CARMIL3: variants seen among roughly 807,000 people sequenced by gnomAD.
CARMIL3 encodes the protein capping protein regulator and myosin 1 linker 3, also known as capping protein, Arp2/3 and myosin-I linker protein 3.
Under a neutral mutation model 180.8 loss-of-function variants are expected in CARMIL3, and 88 were observed. That is an observed-to-expected ratio of 0.49 (90% CI 0.41 to 0.58). The LOEUF is 0.58. Ranked by LOEUF, CARMIL3 falls within the 20% of genes least tolerant of loss-of-function variation. CARMIL3 has a pLI of 0.00. For synonymous variants in CARMIL3, 696 were observed against 714.5 expected, an observed-to-expected ratio of 0.97 and a Z score of 0.41; for missense variants, 1,548 against 1,787.0, an observed-to-expected ratio of 0.87 and a Z score of 2.41.
chr14:24,059,574 C>T lies in CARMIL3; in HGVS notation c.1800-90C>T. 1.3e-6 allele frequency: 2 copies of T among 1,540,420 alleles called. No homozygotes were observed. Among genetic ancestry groups the T allele is most frequent in the Non-Finnish European group, 1.8e-6 (2 of 1,129,290 alleles). On this transcript the variant is annotated intron_variant, in intron 21 of 39. Coordinates refer to ENST00000342740, the MANE Select transcript of CARMIL3 (RefSeq NM_138360.4). This position sits in a 1 kb window ranked among gnomAD's most constrained non-coding sequence, Gnocchi z 6.3. Reference sequence around the variant, plus strand: ...CCCAGCCCCAGAACCATCTCTGAGTCAGCCTTATTGCCCCAAGAGGTTTGT... The same window carrying T: ...CCCAGCCCCAGAACCATCTCTGAGTTAGCCTTATTGCCCCAAGAGGTTTGT...
rs760008607 is a variant in CARMIL3, at chr14:24,056,903, C to T, written c.953-12C>T. 33 of 1,613,398 alleles carry T rather than the reference C, an allele frequency of 2.0e-5. 1 individual carries two copies. The highest frequency in any genetic ancestry group is 3.3e-4 in the Middle Eastern group (2 of 6,006). ...CTAGGGGCCAACCCAGCCCAGTGCC[C>T]GCTGTGCTCAGGGCTCCAGGCACTC... On this transcript the variant is annotated splice_polypyrimidine_tract_variant and intron_variant, in intron 12 of 39. Coordinates refer to ENST00000342740, the MANE Select transcript of CARMIL3 (RefSeq NM_138360.4).
In CARMIL3 at chr14:24,065,727, T is replaced by A; in HGVS notation, c.3502T>A (p.Trp1168Arg). The change falls in exon 34 of 40, where the codon TGG becomes AGG. Residue 1168 changes from tryptophan to arginine, a missense_variant. Physicochemically the swap from Trp to Arg is moderately radical, Grantham distance 101. Around this residue, in one of 4 missense-constraint regions of CARMIL3, gnomAD observed 668 missense variants for 687.8 expected, o/e 0.97. Coordinates refer to ENST00000342740, the MANE Select transcript of CARMIL3 (RefSeq NM_138360.4). ...TCCCGGGTTGGAAAGAGCCAAGGGT[T>A]GGAGCTTCGATGGGAAACGAGAGGT... ...ALPGLERAKGWSFDGKREGPG... is the reference protein window; with the variant it reads ...ALPGLERAKGRSFDGKREGPG... 1 of 1,614,072 alleles carries A rather than the reference T, an allele frequency of 6.2e-7. No homozygotes were observed. The highest frequency in any genetic ancestry group is 1.3e-5 in the African/African-American group (1 of 75,042).
chr14:24,065,651 G>C lies in CARMIL3; in HGVS notation c.3426G>C (p.Gly1142=). 6.2e-7 allele frequency: 1 copy of C among 1,613,328 alleles called. No individual in the cohort carries two copies. Among genetic ancestry groups the C allele is most frequent in the Non-Finnish European group, 8.5e-7 (1 of 1,179,576 alleles). ...CTGAGGGGTCAGAGCCAGGGGAGGGGGGCCCAGCCCCTGGGACAGCACAGC... is the reference window on the plus strand; with the variant it reads ...CTGAGGGGTCAGAGCCAGGGGAGGGCGGCCCAGCCCCTGGGACAGCACAGC... The part of the protein sequence containing the change: ...MGTEGSEPGE[G]GPAPGTAQQP... The change falls in exon 34 of 40, where the codon GGG becomes GGC. Residue 1142 remains glycine, a synonymous_variant. Coordinates refer to ENST00000342740, the MANE Select transcript of CARMIL3 (RefSeq NM_138360.4).
Position 24,064,359 on chromosome 14 carries a change from A to G in CARMIL3, c.3080+13A>G. 6.3e-7 allele frequency: 1 copy of G among 1,586,446 alleles called. No individual in the cohort carries two copies. The highest frequency in any genetic ancestry group is 8.6e-7 in the Non-Finnish European group (1 of 1,159,792). On this transcript the variant is annotated intron_variant, in intron 32 of 39. Coordinates refer to ENST00000342740, the MANE Select transcript of CARMIL3 (RefSeq NM_138360.4). The stretch of plus-strand genomic sequence containing the variant: ...AGGAAAGTTCTAGGTGTGATGCCTA[A>G]ACACACTCCCATTTTCAGCAGGCCC...
rs1209203051 is a variant in CARMIL3, at chr14:24,059,883, G to A, written c.1869-87G>A. ...ATGGAAGACAGAAATGATGAGCAAG[G>A]GGGCTGGAGGGCTGCTCACCAACAG... is the stretch of plus-strand genomic sequence containing the variant. On this transcript the variant is annotated intron_variant, in intron 22 of 39. Coordinates refer to ENST00000342740, the MANE Select transcript of CARMIL3 (RefSeq NM_138360.4). This position sits in a 1 kb window ranked among gnomAD's most constrained non-coding sequence, Gnocchi z 6.3. The A allele has an allele frequency of 3.2e-6, 5 of 1,539,348 alleles. No homozygotes were observed. Among genetic ancestry groups the A allele is most frequent in the Admixed American group, 1.7e-5 (1 of 59,638 alleles).
rs184136594 is a variant in CARMIL3 at position 24,058,109 on chromosome 14, G to A, written c.1322+45G>A. 3.7e-5 allele frequency: 59 copies of A among 1,613,772 alleles called. No homozygotes were observed. The African/African-American group carries it at 7.2e-4, about 20-fold the overall frequency. ...GGGGGCGCATCCAAGGGAACCACGG[G>A]GAGCGGGAAGAGGTAAAGGAGGGCC... On this transcript the variant is annotated intron_variant, in intron 16 of 39. Transcript: ENST00000342740. The surrounding 1 kb of genome is among the most constrained non-coding windows in gnomAD (Gnocchi z 6.4).
In CARMIL3 at chr14:24,056,946, A is replaced by AAACCC. The variant is rs1239191387; in HGVS notation, c.986_990dup (p.Ala331ThrfsTer13). 2 of 1,614,116 alleles carry AAACCC rather than the reference A, an allele frequency of 1.2e-6. No homozygotes were observed. The highest frequency in any genetic ancestry group is 8.5e-7 in the Non-Finnish European group (1 of 1,180,014). ...AGGCACTCGGCCAGACCTTCGGGGC[A>AAACCC]AACCCAGCATTTGCCAGCTCCCTTC... On this transcript the variant is annotated frameshift_variant, in exon 13 of 40. Transcript: ENST00000342740. LOFTEE classifies it high-confidence loss of function.
Position 24,054,799 on chromosome 14 carries a change from A to G in CARMIL3, c.451A>G (p.Ser151Gly), listed in dbSNP as rs1439576322. The change falls in exon 6 of 40, where the codon AGT (serine) becomes GGT (glycine). Residue 151 changes from serine (S) to glycine (G), a missense_variant. Physicochemically the swap from Ser to Gly is moderately conservative, Grantham distance 56. Coordinates refer to ENST00000342740, the MANE Select transcript of CARMIL3 (RefSeq NM_138360.4). This position sits in a 1 kb window ranked among gnomAD's most constrained non-coding sequence, Gnocchi z 5.1. ...TGAGACTTCCACATCTACCACCCAC[A>G]GTGTCTGCGGTGAGCAGGGGCAGAT... ...NSETSTSTTH[S>G]VCGGFSETYA... is the part of the protein sequence containing the mutation. The G allele has an allele frequency of 1.1e-5, 18 of 1,613,768 alleles. No individual in the cohort carries two copies. Among genetic ancestry groups the G allele is most frequent in the Non-Finnish European group, 1.4e-5 (17 of 1,179,854 alleles).
chr14:24,065,652 G>A lies in CARMIL3; in HGVS notation c.3427G>A (p.Gly1143Ser), dbSNP rs1344715418. 18 of 1,613,190 alleles carry A rather than the reference G, an allele frequency of 1.1e-5. No individual in the cohort carries two copies. The highest frequency in any genetic ancestry group is 1.0e-4 in the Admixed American group (6 of 59,900). ...GTEGSEPGEGGPAPGTAQQPR... is the reference protein window; with the variant it reads ...GTEGSEPGEGSPAPGTAQQPR... Reference sequence around the variant, plus strand: ...TGAGGGGTCAGAGCCAGGGGAGGGGGGCCCAGCCCCTGGGACAGCACAGCA... The same window carrying A: ...TGAGGGGTCAGAGCCAGGGGAGGGGAGCCCAGCCCCTGGGACAGCACAGCA... The change falls in exon 34 of 40, where the codon GGC (glycine) becomes AGC (serine). Residue 1143 changes from glycine to serine, a missense_variant. Transcript: ENST00000342740.
In CARMIL3 at chr14:24,065,746, G is replaced by A. The variant is rs779112630; in HGVS notation, c.3521G>A (p.Arg1174Gln). The change falls in exon 34 of 40, where the codon CGA becomes CAA. Residue 1174 changes from arginine (R) to glutamine (Q), a missense_variant. Physicochemically the swap from Arg to Gln is conservative, Grantham distance 43. Coordinates refer to ENST00000342740, the MANE Select transcript of CARMIL3 (RefSeq NM_138360.4). ...RAKGWSFDGK[R>Q]EGPGPDQEGS... The stretch of plus-strand genomic sequence containing the variant: ...AAGGGTTGGAGCTTCGATGGGAAAC[G>A]AGAGGTGAGTGGAGCCTGGGACAAC... The A allele has an allele frequency of 8.1e-6, 13 of 1,613,874 alleles. No individual in the cohort carries two copies. Among genetic ancestry groups the A allele is most frequent in the East Asian group, 2.2e-5 (1 of 44,888 alleles).
Position 24,060,735 on chromosome 14 carries a change from AG to A in CARMIL3, c.2170del (p.Asp724MetfsTer32). ...ELLYARDLIK[D>X]AKNSRALFPS... Reference sequence around the variant, plus strand: ...TACTCTACGCTCGGGACCTCATCAAAGATGCCAAGAACTCCCGGGCGGTGAG... The same window carrying A: ...TACTCTACGCTCGGGACCTCATCAAAATGCCAAGAACTCCCGGGCGGTGAG... On this transcript the variant is annotated frameshift_variant, in exon 25 of 40. Transcript: ENST00000342740. LOFTEE classifies it high-confidence loss of function. 6.2e-7 allele frequency: 1 copy of A among 1,613,924 alleles called. No homozygotes were observed. Among genetic ancestry groups the A allele is most frequent in the Non-Finnish European group, 8.5e-7 (1 of 1,179,940 alleles).
intron 1 of CARMIL3, among the ~76,000 whole-genome samples, chr14:24,052,885 A>C (rs924905498): frequency 6.6e-6 from 1 of 152,144 alleles, no homozygotes; most frequent in African/African-American, 2.4e-5. Context: ...GCACTGCCAC[A>C]ACCCTGACCC....
intron 25 of CARMIL3, 83 bp downstream of exon 25, chr14:24,060,839 C>G (rs377596032): frequency 2.6e-6 from 4 of 1,555,440 alleles, no homozygotes; most frequent in South Asian, 2.4e-5. Context: ...CAGCCCTGCC[C>G]TGTGCATCTG....
At chr14:24,066,369 T>A in intron 34 of CARMIL3, 29 bp from the exon 35 acceptor site, 1 of 1,610,930 alleles carries the variant, frequency 6.2e-7, no homozygotes, top group Non-Finnish European at 8.5e-7. Context: ...GAGGAGACTT[T>A]CTTACAACCT....
Position 24,054,651 on chromosome 14 carries a change from C to A in CARMIL3, c.363-60C>A. ...TTTTCCTGGGATGCAGGAGCTATAA[C>A]GTGGGAAGAACTGAGAGCCTCTTTC... On this transcript the variant is annotated intron_variant, in intron 5 of 39. Coordinates refer to ENST00000342740, the MANE Select transcript of CARMIL3 (RefSeq NM_138360.4). This position sits in a 1 kb window ranked among gnomAD's most constrained non-coding sequence, Gnocchi z 5.1. 6.5e-7 allele frequency: 1 copy of A among 1,549,682 alleles called. No individual in the cohort carries two copies. Among genetic ancestry groups the A allele is most frequent in the Non-Finnish European group, 8.9e-7 (1 of 1,127,738 alleles).
rs1489159283 is a variant in CARMIL3 at position 24,065,073 on chromosome 14, G to C, written c.3196G>C (p.Gly1066Arg). ...CTTTCGCCGGCCCCGGAGCTTCAAG[G>C]GGGACAGGGGGCCGGGGTCCCCTAC... ...FHFRRPRSFK[G>R]DRGPGSPTTG... Residue 1066 changes from glycine to arginine, a missense_variant, in exon 33 of 40, where the codon GGG (glycine) becomes CGG (arginine). Gly to Arg is a moderately radical substitution (Grantham distance 125). Transcript: ENST00000342740. 2 of 1,593,546 alleles carry C rather than the reference G, an allele frequency of 1.3e-6. No homozygotes were observed. Among genetic ancestry groups the C allele is most frequent in the African/African-American group, 1.4e-5 (1 of 73,656 alleles).
chr14:24,053,417 G>A (rs540544063), intron 1 of CARMIL3, among the ~76,000 whole-genome samples: 83 of 152,236 alleles, frequency 5.5e-4, no homozygotes, highest in African/African-American at 1.7e-3. Flanking sequence ...TCAGAAGTGT[G>A]AGACACACCC....
At chr14:24,053,911 G>A (rs2035644306) in intron 2 of CARMIL3, 108 bp downstream of exon 2, 1 of 1,191,004 alleles carries the variant, frequency 8.4e-7, no homozygotes, top group Non-Finnish European at 1.2e-6. Flanking sequence ...GGTGGACACT[G>A]AGGAGACAAA....
chr14:24,063,148 G>A lies in CARMIL3; in HGVS notation c.2735G>A (p.Arg912His), dbSNP rs200022969. 1.2e-5 allele frequency: 19 copies of A among 1,613,444 alleles called. No homozygotes were observed. Among genetic ancestry groups the A allele is most frequent in the Admixed American group, 1.7e-5 (1 of 60,004 alleles). Residue 912 changes from arginine to histidine, a missense_variant, in exon 30 of 40, where the codon CGC (arginine) becomes CAC (histidine). Arg to His is a conservative substitution (Grantham distance 29). This residue lies in a region of CARMIL3 where 668 missense variants were observed against 687.8 expected (regional missense o/e 0.97). Coordinates refer to ENST00000342740, the MANE Select transcript of CARMIL3 (RefSeq NM_138360.4). The stretch of plus-strand genomic sequence containing the variant: ...ACCATGGCCATCAAAAAGCAGAAAC[G>A]CTGCCGCAAGATTCGGCCGGTGTCT... ...IDTMAIKKQK[R>H]CRKIRPVSAF...
Sources: gnomAD v4.1 joint callset for allele counts (sites outside exome capture counted in the v4.1 genomes callset) on GRCh38, gnomAD v4.1.1 for gene constraint, gnomAD v4.1.1 regional missense constraint, Gnocchi (gnomAD v3.1) non-coding constraint, MANE v1.5 for transcripts, NCBI Gene and HGNC (gene_info 2026-07-23, HGNC 2026-07-21) for gene names.